Variants in GLB1L observed in about 807,000 individuals in gnomAD.
GLB1L encodes the protein beta-galactosidase-1-like protein.
Under a neutral mutation model 75.7 loss-of-function variants are expected in GLB1L, and 58 were observed. The observed-to-expected ratio is 0.77, with a 90% CI of 0.62 to 0.95. The LOEUF (loss-of-function observed/expected upper bound fraction) is 0.95. Among genes scored for constraint, GLB1L ranks in the 40% least tolerant of loss-of-function variants. The pLI is 0.00. For synonymous variants in GLB1L, 296 were observed against 303.0 expected, an observed-to-expected ratio of 0.98 and a Z score of 0.24; for missense variants, 797 against 805.5, an observed-to-expected ratio of 0.99 and a Z score of 0.13.
chr2:219,239,598 G>A lies in GLB1L; in HGVS notation c.865C>T (p.Leu289=). The stretch of plus-strand genomic sequence containing the variant: ...GCTCCCAACTTGAGCATGTTCTCTA[G>A]TCCTTTGGTTACAGCTGACACAGAC... The part of the protein sequence containing the change: ...TRSVSAVTKG[L]ENMLKLGASV... The change falls in exon 9 of 17, where the codon CTA becomes TTA. Residue 289 remains leucine, a synonymous_variant. Coordinates refer to ENST00000295759, the MANE Select transcript of GLB1L (RefSeq NM_001286423.2). 6.2e-7 allele frequency: 1 copy of A among 1,614,168 alleles called. No homozygotes were observed. Among genetic ancestry groups the A allele is most frequent in the Non-Finnish European group, 8.5e-7 (1 of 1,180,034 alleles).
rs1269295433 is a variant in GLB1L at position 219,236,835 on chromosome 2, A to C, written c.*237T>G. On this transcript the variant is annotated 3_prime_UTR_variant, in exon 17 of 17. Coordinates refer to ENST00000295759, the MANE Select transcript of GLB1L (RefSeq NM_001286423.2). ...GCTGGAGTGCAGTGGTACAACCTCCACTCACTGCAACCTCTGCCTCCTGGA... is the reference window on the plus strand; with the variant it reads ...GCTGGAGTGCAGTGGTACAACCTCCCCTCACTGCAACCTCTGCCTCCTGGA... 2 of 364,436 alleles carry C rather than the reference A, an allele frequency of 5.5e-6. No homozygotes were observed. The highest frequency in any genetic ancestry group is 9.6e-6 in the Non-Finnish European group (2 of 209,392). 22.6% of individuals were successfully genotyped at this position (364,436 alleles called of 1,614,324 possible).
At position 219,241,465 on chromosome 2, in the gene GLB1L, T is replaced by TAC. The variant is rs1553567606; in HGVS notation, c.451+1047_451+1048dup. 5.3e-3 allele frequency among the ~76,000 whole-genome samples: 720 copies of TAC among 136,404 alleles called. 7 individuals are homozygous for TAC. Among genetic ancestry groups the TAC allele is most frequent in the African/African-American group, 0.016 (588 of 37,296 alleles). The allele number at this position is 136,404 out of a possible 152,430, so 89.5% of individuals were successfully genotyped here. ...GTGTATATATATATATATATATATATACATACATATATATGTATGTATAGA... is the reference window on the plus strand; with the variant it reads ...GTGTATATATATATATATATATATATACACATACATATATATGTATGTATAGA... On this transcript the variant is annotated intron_variant, in intron 5 of 16. Coordinates refer to ENST00000295759, the MANE Select transcript of GLB1L (RefSeq NM_001286423.2).
chr2:219,239,750 C>G (rs1236258342), intron 8 of GLB1L, 25 bp downstream of exon 8: 10 of 1,614,056 alleles, frequency 6.2e-6, no homozygotes, highest in Admixed American at 3.3e-5. Context: ...ATCCCTGATT[C>G]CCTGACTCCT....
intron 5 of GLB1L, among the ~76,000 whole-genome samples, chr2:219,241,499 G>C (rs1256665646): frequency 6.8e-6 from 1 of 146,866 alleles, no homozygotes; most frequent in Non-Finnish European, 1.5e-5. Context: ...GAGAGAGCGA[G>C]AGAGAGACCA....
Position 219,242,776 on chromosome 2 carries a change from A to C in GLB1L, c.382T>G (p.Trp128Gly). 6.2e-7 allele frequency: 1 copy of C among 1,614,098 alleles called. No individual in the cohort carries two copies. The highest frequency in any genetic ancestry group is 8.5e-7 in the Non-Finnish European group (1 of 1,180,010). Reference sequence around the variant, plus strand: ...TTCTCCAGCTAACTCACCATCTCCCACTCTGCACAGATGTAAGGTCCTGGT... The same window carrying C: ...TTCTCCAGCTAACTCACCATCTCCCCCTCTGCACAGATGTAAGGTCCTGGT... ...LRPGPYICAEWEMGGLPSWLL... is the reference protein window; with the variant it reads ...LRPGPYICAEGEMGGLPSWLL... The change falls in exon 4 of 17, where the codon TGG becomes GGG. Residue 128 changes from tryptophan (W) to glycine (G), a missense_variant. Physicochemically the swap from Trp to Gly is radical, Grantham distance 184. Coordinates refer to ENST00000295759, the MANE Select transcript of GLB1L (RefSeq NM_001286423.2).
chr2:219,243,167 C>A lies in GLB1L; in HGVS notation c.220G>T (p.Gly74Cys), dbSNP rs987191854. ...TCTTACAACTGTATGGCGTTGAGGC[C>A]GCTCCATCGCATCTTCAAAAGCCGG... The part of the protein sequence containing the change: ...ADRLLKMRWS[G>C]LNAIQFYVPW... The change falls in exon 3 of 17, where the codon GGC becomes TGC. Residue 74 changes from glycine (G) to cysteine (C), a missense_variant. Physicochemically the swap from Gly to Cys is radical, Grantham distance 159. Transcript: ENST00000295759. 1 of 1,611,348 alleles carries A rather than the reference C, an allele frequency of 6.2e-7. No individual in the cohort carries two copies. The highest frequency in any genetic ancestry group is 1.3e-5 in the African/African-American group (1 of 74,778).
At position 219,237,182 on chromosome 2, in the gene GLB1L, A is replaced by G. The variant is rs757073267; in HGVS notation, c.1855T>C (p.Leu619=). The part of the protein sequence containing the change: ...DVPLQPQVQF[L]DKPILNSTST... ...GTGCTATTGAGGATAGGCTTATCCA[A>G]AAATTGGACTTGGGGCTGGAGAGGT... The change falls in exon 17 of 17, where the codon TTG becomes CTG. Residue 619 remains leucine (L), a synonymous_variant. Transcript: ENST00000295759. 6.2e-7 allele frequency: 1 copy of G among 1,614,206 alleles called. No homozygotes were observed. The highest frequency in any genetic ancestry group is 1.7e-5 in the Admixed American group (1 of 60,026).
rs780794448 is a variant in GLB1L at position 219,240,065 on chromosome 2, G to A, written c.576C>T (p.Ala192=). Residue 192 remains alanine, a synonymous_variant, in exon 7 of 17, where the codon GCC becomes GCT. Transcript: ENST00000295759. ...AGTGCCTCATGTAGCTGAAGTCACA[G>A]GCTCTGTAGCTACCATATTCATTCT... ...QVENEYGSYR[A]CDFSYMRHLA... is the part of the protein sequence containing the mutation. 1.9e-6 allele frequency: 3 copies of A among 1,614,124 alleles called. No individual in the cohort carries two copies. Among genetic ancestry groups the A allele is most frequent in the Non-Finnish European group, 2.5e-6 (3 of 1,180,048 alleles).
At chr2:219,241,159 T>A (rs1273820935) in intron 5 of GLB1L, among the ~76,000 whole-genome samples, 2 of 151,666 alleles carry the variant, frequency 1.3e-5, no homozygotes, top group African/African-American at 2.4e-5. Context: ...GGCTGGCAGA[T>A]CACGAGGTCA....
In GLB1L at chr2:219,239,576, C is replaced by T. The variant is rs1268908333; in HGVS notation, c.887G>A (p.Gly296Glu). Residue 296 changes from glycine to glutamate, a missense_variant, in exon 9 of 17, where the codon GGA (glycine) becomes GAA (glutamate). Physicochemically the swap from Gly to Glu is moderately conservative, Grantham distance 98. Coordinates refer to ENST00000295759, the MANE Select transcript of GLB1L (RefSeq NM_001286423.2). Reference sequence around the variant, plus strand: ...CTTTACTTACATGTTCACACTGGCTCCCAACTTGAGCATGTTCTCTAGTCC... The same window carrying T: ...CTTTACTTACATGTTCACACTGGCTTCCAACTTGAGCATGTTCTCTAGTCC... ...TKGLENMLKLGASVNMYMFHG... is the reference protein window; with the variant it reads ...TKGLENMLKLEASVNMYMFHG... 3.7e-6 allele frequency: 6 copies of T among 1,614,212 alleles called. No individual in the cohort carries two copies. In the South Asian group the frequency reaches 6.6e-5, roughly 18 times the overall value.
At chr2:219,244,656 C>G (rs1951484833) in intron 1 of GLB1L, among the ~76,000 whole-genome samples, 2 of 152,176 alleles carry the variant, frequency 1.3e-5, no homozygotes, top group South Asian at 4.1e-4. Flanking sequence ...TTCCTTTTGC[C>G]TTTACAGTCT....
rs1191976684 is a variant in GLB1L at position 219,242,868 on chromosome 2, T to C, written c.290A>G (p.Asn97Ser). Reference protein sequence around the residue: ...HEPQPGVYNFNGSRDLIAFLN... With the variant: ...HEPQPGVYNFSGSRDLIAFLN... ...AAAGGCAATGAGGTCCCGGCTGCCA[T>C]TAAAGTTATAGACCCCAGGCTGTGG... The change falls in exon 4 of 17, where the codon AAT becomes AGT. Residue 97 changes from asparagine (N) to serine (S), a missense_variant. Physicochemically the swap from Asn to Ser is conservative, Grantham distance 46. Coordinates refer to ENST00000295759, the MANE Select transcript of GLB1L (RefSeq NM_001286423.2). 1.2e-6 allele frequency: 2 copies of C among 1,614,192 alleles called. No individual in the cohort carries two copies. The highest frequency in any genetic ancestry group is 1.7e-6 in the Non-Finnish European group (2 of 1,180,034).
chr2:219,240,363 CTT>C (rs1470271189), intron 5 of GLB1L, 78 bp from the exon 6 acceptor site: 6 of 1,179,602 alleles, frequency 5.1e-6, no homozygotes, highest in Admixed American at 3.4e-5. Flanking sequence ...AGCAATGACT[CTT>C]GTCAAGAAAT....
chr2:219,243,750 T>G (rs1037597997), intron 1 of GLB1L, 107 bp from the exon 2 acceptor site: 4 of 609,762 alleles, frequency 6.6e-6, no homozygotes, highest in Non-Finnish European at 3.0e-6. Context: ...GTAAAATTTC[T>G]ACATCATGTT....
intron 2 of GLB1L, 70 bp from the exon 3 acceptor site, chr2:219,243,384 G>A: frequency 6.3e-7 from 1 of 1,591,166 alleles, no homozygotes; most frequent in East Asian, 2.2e-5. Flanking sequence ...CCTGCCAAGA[G>A]CGGAAGAGAT....
rs1951323996 is a variant in GLB1L, at chr2:219,239,131, G to A, written c.1023C>T (p.Pro341=). 3 of 1,613,898 alleles carry A rather than the reference G, an allele frequency of 1.9e-6. No individual in the cohort carries two copies. The highest frequency in any genetic ancestry group is 2.7e-5 in the African/African-American group (2 of 75,026). ...YDAPISEAGD[P]TPKLFALRDV... is the part of the protein sequence containing the mutation. ...CTCGAAGAGCAAAAAGCTTAGGTGT[G>A]GGGTCCCCTGCTTCAGATATAGGTG... Residue 341 remains proline, a synonymous_variant, in exon 11 of 17, where the codon CCC becomes CCT. Transcript: ENST00000295759.
rs2125053972 is a variant in GLB1L, at chr2:219,239,209, A to T, written c.945T>A (p.Gly315=). The part of the protein sequence containing the change: ...HGGTNFGYWN[G]ADKKGRFLPI... ...GAAGGAAGCGTCCCTTCTTATCGGC[A>T]CCTGAAGTTGAGCCAATTTAATTAA... Residue 315 remains glycine, a splice_region_variant and synonymous_variant, in exon 11 of 17, where the codon GGT becomes GGA. Coordinates refer to ENST00000295759, the MANE Select transcript of GLB1L (RefSeq NM_001286423.2). 1 of 1,606,978 alleles carries T rather than the reference A, an allele frequency of 6.2e-7. No homozygotes were observed. Among genetic ancestry groups the T allele is most frequent in the East Asian group, 2.2e-5 (1 of 44,864 alleles).
At chr2:219,243,666 A>G in intron 1 of GLB1L, 23 bp from the exon 2 acceptor site, 4 of 1,303,104 alleles carry the variant, frequency 3.1e-6, no homozygotes, top group Non-Finnish European at 4.4e-6. Context: ...GGGGGCGGAA[A>G]CCACCTCAAG....
chr2:219,244,233 C>G (rs1169918249), intron 1 of GLB1L, among the ~76,000 whole-genome samples: 1 of 152,120 alleles, frequency 6.6e-6, no homozygotes, highest in African/African-American at 2.4e-5. Context: ...AACAAGATTC[C>G]CAGGTGATCC....
Sources: gnomAD v4.1 joint callset for allele counts (sites outside exome capture counted in the v4.1 genomes callset) on GRCh38, gnomAD v4.1.1 for gene constraint, MANE v1.5 for transcripts, NCBI Gene and HGNC (gene_info 2026-07-23, HGNC 2026-07-21) for gene names.